SUPT3H: variants seen among roughly 807,000 people sequenced by gnomAD.
SUPT3H encodes transcription initiation protein SPT3 homolog.
Under a neutral mutation model 44.3 loss-of-function variants are expected in SUPT3H, and 44 were observed. The observed-to-expected ratio is 0.99, with a 90% CI of 0.78 to 1.28. SUPT3H has a LOEUF of 1.28. SUPT3H is among the 50% of genes most tolerant of loss of function. The pLI is 0.00. For synonymous variants in SUPT3H, 124 were observed against 125.6 expected (o/e 0.99, Z 0.09); for missense variants, 380 against 387.1 (o/e 0.98, Z 0.15).
chr6:45,346,604 A>G (rs1487237383), intron 2 of SUPT3H, among the ~76,000 whole-genome samples: 1 of 142,562 alleles, frequency 7.0e-6, no homozygotes, highest in African/African-American at 2.6e-5. Context: ...GTCTCACTCT[A>G]TTGCCCAGGC....
At chr6:45,275,161 G>A (rs375279615) in intron 2 of SUPT3H, among the ~76,000 whole-genome samples, 3 of 152,032 alleles carry the variant, frequency 2.0e-5, no homozygotes, top group East Asian at 3.9e-4. Flanking sequence ...TTATATCACA[G>A]TAATATTAAC....
intron 2 of SUPT3H, among the ~76,000 whole-genome samples, chr6:45,177,968 CCAA>C (rs1300003679): frequency 2.6e-5 from 4 of 152,052 alleles, no homozygotes; most frequent in African/African-American, 9.7e-5. Context: ...CAAAATCATG[CCAA>C]AATGTAAAGA....
At chr6:44,889,094 C>G (rs1395377319) in intron 10 of SUPT3H, among the ~76,000 whole-genome samples, 1 of 151,362 alleles carries the variant, frequency 6.6e-6, no homozygotes, top group Non-Finnish European at 1.5e-5. Context: ...GAACTACAAA[C>G]CACTGCTCAA....
intron 10 of SUPT3H, among the ~76,000 whole-genome samples, chr6:44,851,635 G>A (rs1772900039): frequency 6.6e-6 from 1 of 152,124 alleles, no homozygotes; most frequent in African/African-American, 2.4e-5. Flanking sequence ...CCATACCAAT[G>A]GAGACATATT....
In SUPT3H at chr6:44,881,217, C is replaced by CA. The variant is rs374135804; in HGVS notation, c.913-51361dup. Among the ~76,000 whole-genome samples the CA allele has an allele frequency of 6.8e-3, 1,029 of 150,828 alleles. 12 individuals carry two copies. The highest frequency in any genetic ancestry group is 0.023 in the African/African-American group (929 of 41,126). On this transcript the variant is annotated intron_variant, in intron 10 of 10. Coordinates refer to ENST00000371459, the MANE Select transcript of SUPT3H (RefSeq NM_003599.4). The stretch of plus-strand genomic sequence containing the variant: ...GAATATTTACCAAGCAAATGGAAAG[C>CA]AAAAAAAAGCAGGGGTTGCAATCCT...
intron 2 of SUPT3H, among the ~76,000 whole-genome samples, chr6:45,224,249 A>G (rs1225777421): frequency 6.6e-6 from 1 of 151,820 alleles, no homozygotes; most frequent in Non-Finnish European, 1.5e-5. Flanking sequence ...TGTTCTCATT[A>G]CTCATATGTA....
chr6:44,900,104 A>G (rs1764733245), intron 10 of SUPT3H, among the ~76,000 whole-genome samples: 1 of 152,244 alleles, frequency 6.6e-6, no homozygotes, highest in South Asian at 2.1e-4. Context: ...AGCGACGCAG[A>G]AGACAGGTGA....
chr6:44,855,122 T>G (rs998254481), intron 10 of SUPT3H, among the ~76,000 whole-genome samples: 1 of 152,234 alleles, frequency 6.6e-6, no homozygotes, highest in African/African-American at 2.4e-5. Context: ...CAAAGCTTTT[T>G]CTATCACATG....
chr6:44,934,093 AATTAAT>A (rs1344335040), intron 9 of SUPT3H, among the ~76,000 whole-genome samples: 1 of 152,156 alleles, frequency 6.6e-6, no homozygotes, highest in African/African-American at 2.4e-5. Context: ...GTAGTCACAG[AATTAAT>A]ATTATTTGTT....
At chr6:45,038,645 T>C (rs1788047443) in intron 3 of SUPT3H, among the ~76,000 whole-genome samples, 1 of 152,196 alleles carries the variant, frequency 6.6e-6, no homozygotes, top group Non-Finnish European at 1.5e-5. Context: ...TTATACTGTT[T>C]GAAGTATTAG....
At chr6:45,204,426 G>C (rs367630997) in intron 2 of SUPT3H, among the ~76,000 whole-genome samples, 2 of 152,212 alleles carry the variant, frequency 1.3e-5, no homozygotes, top group East Asian at 1.9e-4. Context: ...CAGACAAGCA[G>C]TTCACCAAAT....
intron 2 of SUPT3H, among the ~76,000 whole-genome samples, chr6:45,140,187 C>G (rs182842077): frequency 6.6e-6 from 1 of 152,100 alleles, no homozygotes; most frequent in African/African-American, 2.4e-5. Flanking sequence ...AAACCACCCC[C>G]TCCCCATCCT....
chr6:44,890,620 AG>A (rs1332170435), intron 10 of SUPT3H, among the ~76,000 whole-genome samples: 1 of 40,676 alleles, frequency 2.5e-5, no homozygotes, highest in Non-Finnish European at 4.4e-5. Flanking sequence ...GGGGTGGGGG[AG>A]GGGGGAGGGA....
intron 10 of SUPT3H, among the ~76,000 whole-genome samples, chr6:44,886,841 A>T (rs1257615944): frequency 6.6e-6 from 1 of 152,208 alleles, no homozygotes; most frequent in Non-Finnish European, 1.5e-5. Context: ...TAAAGAGTCA[A>T]GACCCATCAG....
Position 45,210,902 on chromosome 6 carries a change from C to G in SUPT3H, c.102-104896G>C, listed in dbSNP as rs1763982064. Among the ~76,000 whole-genome samples the G allele has an allele frequency of 3.9e-5, 6 of 152,180 alleles. No individual in the cohort carries two copies. The South Asian group carries it at 1.2e-3, about 32-fold the overall frequency. ...AGTCTTTCTCTTAAAGATCCAAGAC[C>G]AGGTCCAAGTACAAGAATGGAAAAG... On this transcript the variant is annotated intron_variant, in intron 2 of 10. Transcript: ENST00000371459.
chr6:44,857,028 AAACT>A (rs945031804), intron 10 of SUPT3H, among the ~76,000 whole-genome samples: 2 of 152,208 alleles, frequency 1.3e-5, no homozygotes, highest in Non-Finnish European at 2.9e-5. Context: ...TCTATATCAT[AAACT>A]AACCCAAAAC....
chr6:44,879,604 G>C (rs1777880398), intron 10 of SUPT3H, among the ~76,000 whole-genome samples: 1 of 148,980 alleles, frequency 6.7e-6, no homozygotes, highest in Non-Finnish European at 1.5e-5. Flanking sequence ...CCTCAAGTGG[G>C]GCCCTGACCC....
At chr6:45,216,767 A>T (rs1161813937) in intron 2 of SUPT3H, among the ~76,000 whole-genome samples, 1 of 152,214 alleles carries the variant, frequency 6.6e-6, no homozygotes, top group East Asian at 1.9e-4. Flanking sequence ...TTGTAAATAT[A>T]TTTGTACCTA....
chr6:45,347,103 T>G (rs1791043612), intron 2 of SUPT3H, among the ~76,000 whole-genome samples: 1 of 152,164 alleles, frequency 6.6e-6, no homozygotes. Context: ...CAAATATGTG[T>G]GAGTTTACTA....
Sources: allele counts gnomAD v4.1 joint callset (sites outside exome capture counted in the v4.1 genomes callset), GRCh38; gene constraint gnomAD v4.1.1; transcripts MANE v1.5; gene names NCBI Gene and HGNC (gene_info 2026-07-23, HGNC 2026-07-21).